Variants in PDE11A observed in about 807,000 individuals in gnomAD.
PDE11A encodes phosphodiesterase 11A.
In PDE11A, 100 loss-of-function variants were observed where a neutral mutation model predicts 100.5. The ratio of observed to expected loss-of-function variants is 1.00; its 90% CI spans 0.85 to 1.18. The LOEUF is 1.18. Ranked by LOEUF, PDE11A falls within the 50% of genes most tolerant of loss-of-function variation. PDE11A has a pLI of 0.00. For synonymous variants in PDE11A, 381 were observed against 420.8 expected (o/e 0.91, Z 1.16); for missense variants, 1,141 against 1,152.6 (o/e 0.99, Z 0.15).
chr2:177,891,835 G>A (rs2084534052), intron 4 of PDE11A, among the ~76,000 whole-genome samples: 2 of 152,220 alleles, frequency 1.3e-5, no homozygotes, highest in Admixed American at 1.3e-4. Flanking sequence ...AATAGAGACT[G>A]TGTGACTTGC....
In PDE11A at chr2:178,071,971, GC is replaced by G. The variant is rs1309652846; in HGVS notation, c.466del (p.Ala156HisfsTer25). 1.2e-6 allele frequency: 2 copies of G among 1,614,048 alleles called. No individual in the cohort carries two copies. Among genetic ancestry groups the G allele is most frequent in the African/African-American group, 1.3e-5 (1 of 75,038 alleles). Reference protein sequence around the residue: ...QEPLSSVRRRALLRKASSLPP... With the variant: ...QEPLSSVRRRXLLRKASSLPP... ...CAGGGAGCTTGCCTTCCGGAGAAGTGCCCTCCGTCGTACACTACTCAGGGGT... is the reference window on the plus strand; with the variant it reads ...CAGGGAGCTTGCCTTCCGGAGAAGTGCCTCCGTCGTACACTACTCAGGGGT... On this transcript the variant is annotated frameshift_variant, in exon 1 of 20. Transcript: ENST00000286063. LOFTEE classifies it high-confidence loss of function.
intron 9 of PDE11A, among the ~76,000 whole-genome samples, chr2:177,779,138 T>C (rs2082418319): frequency 6.6e-6 from 1 of 152,240 alleles, no homozygotes; most frequent in African/African-American, 2.4e-5. Flanking sequence ...GTTATGTTTA[T>C]ACTATGCTGT....
chr2:178,091,810 G>T (rs1307707576), intron 2 of PDE11A, among the ~76,000 whole-genome samples: 2 of 152,076 alleles, frequency 1.3e-5, no homozygotes, highest in Non-Finnish European at 2.9e-5. Flanking sequence ...TATGATGAAG[G>T]TTTTAGGGTT....
At chr2:177,887,327 T>G (rs996369701) in intron 4 of PDE11A, among the ~76,000 whole-genome samples, 1 of 152,074 alleles carries the variant, frequency 6.6e-6, no homozygotes. Flanking sequence ...AGCTAAAAAT[T>G]TGAACACACC....
chr2:178,032,731 C>A (rs2086564972), intron 1 of PDE11A, among the ~76,000 whole-genome samples: 1 of 152,158 alleles, frequency 6.6e-6, no homozygotes, highest in Admixed American at 6.5e-5. Context: ...TGTTCTGCAG[C>A]CTCCACTGAT....
chr2:177,860,467 C>T lies in PDE11A; in HGVS notation c.1367+15392G>A, dbSNP rs186017871. 2.6e-5 allele frequency among the ~76,000 whole-genome samples: 4 copies of T among 151,670 alleles called. No homozygotes were observed. The East Asian group carries it at 7.7e-4, about 29-fold the overall frequency. On this transcript the variant is annotated intron_variant, in intron 5 of 19. Coordinates refer to ENST00000286063, the MANE Select transcript of PDE11A (RefSeq NM_016953.4). The stretch of plus-strand genomic sequence containing the variant: ...GTTAAATTAATAATTAAAAATATTT[C>T]CACAAAGAAAAGCTCAGGAAGAGAT...
chr2:178,072,337 A>G lies in PDE11A; in HGVS notation c.101T>C (p.Met34Thr). 2 of 1,614,002 alleles carry G rather than the reference A, an allele frequency of 1.2e-6. No individual in the cohort carries two copies. Among genetic ancestry groups the G allele is most frequent in the Non-Finnish European group, 1.7e-6 (2 of 1,179,988 alleles). Reference sequence around the variant, plus strand: ...GTGCCTCTGCAGCCACTTTTCAACCATCTCCTGCTTCCCCTTCCGCATCAA... The same window carrying G: ...GTGCCTCTGCAGCCACTTTTCAACCGTCTCCTGCTTCCCCTTCCGCATCAA... ...DYLMRKGKQE[M>T]VEKWLQRHSQ... The change falls in exon 1 of 20, where the codon ATG becomes ACG. Residue 34 changes from methionine to threonine, a missense_variant. By Grantham distance (81) the Met-to-Thr change is moderately conservative. Coordinates refer to ENST00000286063, the MANE Select transcript of PDE11A (RefSeq NM_016953.4).
At chr2:177,892,830 A>G (rs2084551620) in intron 4 of PDE11A, among the ~76,000 whole-genome samples, 1 of 152,212 alleles carries the variant, frequency 6.6e-6, no homozygotes, top group African/African-American at 2.4e-5. Flanking sequence ...TCATCCTGAC[A>G]GCCAGGCTTC....
intron 5 of PDE11A, among the ~76,000 whole-genome samples, chr2:177,850,805 T>G (rs1223574363): frequency 6.6e-6 from 1 of 152,136 alleles, no homozygotes; most frequent in Non-Finnish European, 1.5e-5. Flanking sequence ...TCACTGGCCA[T>G]CAGAGAAATG....
chr2:178,028,300 C>CAAAAAA (rs5836640), intron 1 of PDE11A, among the ~76,000 whole-genome samples: 10,978 of 130,930 alleles, frequency 0.084, 724 homozygotes, highest in African/African-American at 0.18. Context: ...CATGTTCCAT[C>CAAAAAA]AAAAAAAAAA....
intron 19 of PDE11A, among the ~76,000 whole-genome samples, chr2:177,652,002 T>A (rs1364197727): frequency 6.6e-6 from 1 of 152,188 alleles, no homozygotes; most frequent in Non-Finnish European, 1.5e-5. Context: ...CATAAGATGC[T>A]GAGGAAATGC....
intron 2 of PDE11A, among the ~76,000 whole-genome samples, chr2:178,103,804 T>C (rs973941278): frequency 6.6e-6 from 1 of 152,076 alleles, no homozygotes; most frequent in African/African-American, 2.4e-5. Flanking sequence ...TCCATATGAT[T>C]AATCCAGGAA....
intron 2 of PDE11A, among the ~76,000 whole-genome samples, chr2:178,082,088 A>T (rs1269313088): frequency 6.6e-6 from 1 of 152,220 alleles, no homozygotes; most frequent in Non-Finnish European, 1.5e-5. Flanking sequence ...CCTTTTGCAT[A>T]TTCCCACTAG....
chr2:177,823,545 C>T lies in PDE11A; in HGVS notation c.1501-3250G>A, dbSNP rs192030574. ...GAAGTAGGTACTGTTATCATCCTCT[C>T]TTATCAGATGAGACTTAGGGAGATT... On this transcript the variant is annotated intron_variant, in intron 6 of 19. Transcript: ENST00000286063. Among the ~76,000 whole-genome samples the T allele has an allele frequency of 2.5e-3, 384 of 152,230 alleles. 2 individuals carry two copies. Among genetic ancestry groups the T allele is most frequent in the Non-Finnish European group, 4.3e-3 (294 of 68,002 alleles).
At chr2:177,679,913 C>A (rs1242211147) in intron 16 of PDE11A, among the ~76,000 whole-genome samples, 1 of 151,842 alleles carries the variant, frequency 6.6e-6, no homozygotes, top group Non-Finnish European at 1.5e-5. Context: ...AGAAAAAGGC[C>A]TGTAAAGATA....
chr2:177,643,727 G>A (rs2080179966), intron 19 of PDE11A, among the ~76,000 whole-genome samples: 1 of 152,214 alleles, frequency 6.6e-6, no homozygotes, highest in Non-Finnish European at 1.5e-5. Flanking sequence ...CTTCAAAGCA[G>A]CCCCTCCCAT....
At chr2:177,635,373 G>A (rs1405717) in intron 19 of PDE11A, among the ~76,000 whole-genome samples, 1 of 151,916 alleles carries the variant, frequency 6.6e-6, no homozygotes, top group Non-Finnish European at 1.5e-5. Context: ...CATCACTGGG[G>A]CCCCATGTTC....
intron 12 of PDE11A, among the ~76,000 whole-genome samples, chr2:177,715,867 A>T (rs1408425956): frequency 2.0e-5 from 3 of 152,242 alleles, no homozygotes; most frequent in African/African-American, 7.2e-5. Flanking sequence ...TTCATTCTTA[A>T]GAGTAAAGCA....
chr2:177,727,613 C>T (rs2081617650), intron 12 of PDE11A, 45 bp downstream of exon 12: 1 of 1,113,430 alleles, frequency 9.0e-7, no homozygotes, highest in Non-Finnish European at 1.4e-6. Context: ...CCTGCCAGTT[C>T]CTACGAATGA....
Sources: allele counts gnomAD v4.1 joint callset (sites outside exome capture counted in the v4.1 genomes callset), GRCh38; gene constraint gnomAD v4.1.1; transcripts MANE v1.5; gene names NCBI Gene and HGNC (gene_info 2026-07-23, HGNC 2026-07-21).